Variants in DLG5 observed in about 807,000 individuals in gnomAD.
The protein encoded by DLG5 is discs large MAGUK scaffold protein 5, also known as disks large homolog 5.
DLG5 carries 48 observed loss-of-function variants against 189.8 expected under a neutral mutation model. The observed-to-expected ratio is 0.25, with a 90% CI of 0.20 to 0.32. DLG5 has a LOEUF of 0.32. Ranked by LOEUF, DLG5 falls within the 10% of genes least tolerant of loss-of-function variation. The probability of loss-of-function intolerance (pLI) is 1.00; values close to 1 mark genes in which losing one functional copy is unlikely to be tolerated. For missense variants in DLG5, 2,160 were observed against 2,544.7 expected (o/e 0.85, Z 3.25); for synonymous variants, 1,016 against 1,054.1 (o/e 0.96, Z 0.70).
At position 77,843,522 on chromosome 10, in the gene DLG5, T is replaced by C. The variant is rs780694246; in HGVS notation, c.1049A>G (p.Lys350Arg). ...CTGCTGGGTCAGCATCTCTGTCTGC[T>C]TCAGCAACCGCTGGTTCTCCTCCCC... The part of the protein sequence containing the change: ...QLGEENQRLL[K>R]QTEMLTQQRD... Residue 350 changes from lysine (K) to arginine (R), a missense_variant, in exon 6 of 32, where the codon AAG becomes AGG. Transcript: ENST00000372391. 1.2e-6 allele frequency: 2 copies of C among 1,614,186 alleles called. No homozygotes were observed. The highest frequency in any genetic ancestry group is 1.7e-6 in the Non-Finnish European group (2 of 1,180,042).
intron 7 of DLG5, among the ~76,000 whole-genome samples, chr10:77,840,071 T>C (rs1843343952): frequency 6.6e-6 from 1 of 152,240 alleles, no homozygotes; most frequent in East Asian, 1.9e-4. Flanking sequence ...CACCATTCCA[T>C]TGTGCAAATG....
chr10:77,839,553 C>T (rs927714260), intron 7 of DLG5, among the ~76,000 whole-genome samples: 1 of 152,148 alleles, frequency 6.6e-6, no homozygotes, highest in Admixed American at 6.5e-5. Context: ...CACACGGGCT[C>T]GCTGTTATTC....
chr10:77,803,968 C>T (rs1483004187), intron 27 of DLG5, among the ~76,000 whole-genome samples: 1 of 150,126 alleles, frequency 6.7e-6, no homozygotes, highest in Non-Finnish European at 1.5e-5. Flanking sequence ...CAGTTCACTG[C>T]AGCTCTTGAC....
intron 27 of DLG5, among the ~76,000 whole-genome samples, chr10:77,804,580 G>A (rs1299015743): frequency 1.3e-5 from 2 of 152,216 alleles, no homozygotes; most frequent in Non-Finnish European, 2.9e-5. Flanking sequence ...TAGGACAGTA[G>A]ACAGTAGACA....
intron 5 of DLG5, among the ~76,000 whole-genome samples, chr10:77,844,202 C>T (rs993452745): frequency 2.0e-5 from 3 of 152,136 alleles, no homozygotes; most frequent in Admixed American, 2.0e-4. Context: ...CCCAATAAGA[C>T]ACTTGAGCAC....
In DLG5 at chr10:77,838,000, G is replaced by A. The variant is rs192375789; in HGVS notation, c.1438-2078C>T. 2.2e-3 allele frequency among the ~76,000 whole-genome samples: 333 copies of A among 152,290 alleles called. 1 individual carries two copies. Among genetic ancestry groups the A allele is most frequent in the South Asian group, 0.018 (85 of 4,828 alleles). On this transcript the variant is annotated intron_variant, in intron 7 of 31. Coordinates refer to ENST00000372391, the MANE Select transcript of DLG5 (RefSeq NM_004747.4). Reference sequence around the variant, plus strand: ...CCCGAGTGTGGAGTGGTGCCCCTGAGCAGATGGCTCTCGGGTGAGGGCACC... The same window carrying A: ...CCCGAGTGTGGAGTGGTGCCCCTGAACAGATGGCTCTCGGGTGAGGGCACC...
At chr10:77,893,878 C>G (rs2154577684) in intron 1 of DLG5, among the ~76,000 whole-genome samples, 1 of 152,326 alleles carries the variant, frequency 6.6e-6, no homozygotes, top group East Asian at 1.9e-4. Context: ...CTTCCCAGAG[C>G]TGAGTCCTCT....
At chr10:77,868,976 AT>A in intron 2 of DLG5, 152 bp downstream of exon 2, 1 of 664,996 alleles carries the variant, frequency 1.5e-6, no homozygotes, top group Non-Finnish European at 2.6e-6. Context: ...GTTTCTGATG[AT>A]GGGAGAAAAT....
At chr10:77,896,956 T>C (rs1381262867) in intron 1 of DLG5, among the ~76,000 whole-genome samples, 1 of 152,052 alleles carries the variant, frequency 6.6e-6, no homozygotes, top group East Asian at 1.9e-4. Flanking sequence ...AGAAAGAAAG[T>C]ATCATTAAAA....
chr10:77,795,337 C>T (rs540067338), intron 29 of DLG5, among the ~76,000 whole-genome samples: 7 of 152,280 alleles, frequency 4.6e-5, no homozygotes, highest in African/African-American at 1.7e-4. Flanking sequence ...GTGGCTGAGA[C>T]TGAAATATGT....
chr10:77,868,859 G>A (rs1472318574), intron 2 of DLG5: 3 of 485,116 alleles, frequency 6.2e-6, no homozygotes, highest in Non-Finnish European at 1.1e-5. Context: ...TGGGGATGGT[G>A]GGTCAACAGG....
rs2289310 is a variant in DLG5, at chr10:77,811,115, G to A, written c.4442C>T (p.Pro1481Leu). 5.0e-6 allele frequency: 8 copies of A among 1,610,830 alleles called. No individual in the cohort carries two copies. Among genetic ancestry groups the A allele is most frequent in the Non-Finnish European group, 5.9e-6 (7 of 1,179,614 alleles). The change falls in exon 23 of 32, where the codon CCA (proline) becomes CTA (leucine). Residue 1481 changes from proline to leucine, a missense_variant. Coordinates refer to ENST00000372391, the MANE Select transcript of DLG5 (RefSeq NM_004747.4). ...TGACCTGGAGCTGCTCTGCTTGGCT[G>A]GGGGGGTGCTAGGCCCCTCGTCCTG... ...MEQDEGPSTP[P>L]AKQSSSRIAG...
At chr10:77,873,614 G>A (rs1255374759) in intron 1 of DLG5, among the ~76,000 whole-genome samples, 6 of 152,066 alleles carry the variant, frequency 3.9e-5, no homozygotes, top group Non-Finnish European at 8.8e-5. Context: ...CATAGACCAT[G>A]AGGCCCAAGA....
chr10:77,841,783 T>A, intron 7 of DLG5, 98 bp downstream of exon 7: 2 of 1,404,292 alleles, frequency 1.4e-6, no homozygotes, highest in Admixed American at 4.0e-5. Context: ...TTACTCCAAC[T>A]CAGGAGGCTT....
chr10:77,907,239 C>T (rs1846093865), intron 1 of DLG5, among the ~76,000 whole-genome samples: 1 of 152,044 alleles, frequency 6.6e-6, no homozygotes, highest in African/African-American at 2.4e-5. Context: ...GGGCTCCTGC[C>T]CCCCTATGCC....
At chr10:77,902,197 C>G (rs1161187900) in intron 1 of DLG5, among the ~76,000 whole-genome samples, 1 of 152,206 alleles carries the variant, frequency 6.6e-6, no homozygotes, top group Non-Finnish European at 1.5e-5. Context: ...TGGGGTCCAG[C>G]CCACACCCAG....
chr10:77,930,496 C>T (rs979566645), upstream of DLG5, among the ~76,000 whole-genome samples: 2 of 149,394 alleles, frequency 1.3e-5, no homozygotes, highest in South Asian at 2.1e-4. Flanking sequence ...TACAGGTGCA[C>T]ACCACCAAGC....
intron 2 of DLG5, among the ~76,000 whole-genome samples, chr10:77,864,396 T>A (rs1009441416): frequency 2.5e-4 from 38 of 151,938 alleles, no homozygotes; most frequent in African/African-American, 8.7e-4. Flanking sequence ...CACCACGTCA[T>A]CCTCACCTAC....
intron 15 of DLG5, chr10:77,820,235 A>C (rs1019401454): frequency 2.6e-5 from 14 of 529,938 alleles, no homozygotes; most frequent in Non-Finnish European, 4.5e-5. Context: ...AATCCCAGCT[A>C]CTTGGGAGGC....
Sources: gnomAD v4.1 joint callset for allele counts (sites outside exome capture counted in the v4.1 genomes callset) on GRCh38, gnomAD v4.1.1 for gene constraint, MANE v1.5 for transcripts, NCBI Gene and HGNC (gene_info 2026-07-23, HGNC 2026-07-21) for gene names.